The following EME1 variants were observed in gnomAD, a reference collection of about 807,000 sequenced individuals.
EME1 encodes essential meiotic structure-specific endonuclease 1.
A neutral mutation model predicts 59.1 loss-of-function variants in EME1; 61 were observed. The observed-to-expected ratio is 1.03, with a 90% CI of 0.84 to 1.28. The LOEUF is 1.28. Ranked by LOEUF, EME1 falls within the 50% of genes most tolerant of loss-of-function variation. The probability of loss-of-function intolerance (pLI) is 0.00; values close to 1 mark genes in which losing one functional copy is unlikely to be tolerated. For synonymous variants in EME1, 230 were observed against 254.2 expected, an observed-to-expected ratio of 0.90 and a Z score of 0.90; for missense variants, 635 against 682.6, an observed-to-expected ratio of 0.93 and a Z score of 0.78.
In EME1 at chr17:50,375,578, G is replaced by A; in HGVS notation, c.370G>A (p.Asp124Asn). 6.2e-7 allele frequency: 1 copy of A among 1,612,696 alleles called. No homozygotes were observed. Among genetic ancestry groups the A allele is most frequent in the Non-Finnish European group, 8.5e-7 (1 of 1,179,904 alleles). The part of the protein sequence containing the change: ...DSSSPVKSVL[D>N]HQNNEGASCD... The stretch of plus-strand genomic sequence containing the variant: ...TAGCTCCCCAGTTAAAAGTGTTTTG[G>A]ATCATCAAAATAATGAAGGTGCATC... The change falls in exon 2 of 9, where the codon GAT (aspartate) becomes AAT (asparagine). Residue 124 changes from aspartate (D) to asparagine (N), a missense_variant. Coordinates refer to ENST00000338165, the MANE Select transcript of EME1 (RefSeq NM_152463.4).
intron 3 of EME1, among the ~76,000 whole-genome samples, chr17:50,378,355 C>T (rs1021676979): frequency 1.3e-5 from 2 of 152,148 alleles, no homozygotes; most frequent in Non-Finnish European, 2.9e-5. Context: ...TGAGTCACCG[C>T]GCCCGGCTGC....
Position 50,380,809 on chromosome 17 carries a change from CAG to C in EME1, c.1585_1586del (p.Asp529HisfsTer39), listed in dbSNP as rs1436288091. ...GATAAAGAACGCCAGAATTTGCTCG[CAG>C]ACATACAGGTGCGCCGTGGGGAAGG... On this transcript the variant is annotated frameshift_variant, in exon 9 of 9. Transcript: ENST00000338165. LOFTEE classifies it high-confidence loss of function. 1.9e-6 allele frequency: 3 copies of C among 1,614,024 alleles called. No homozygotes were observed. The East Asian group carries it at 6.7e-5, about 36-fold the overall frequency.
In EME1 at chr17:50,380,067, TCCAAAGAATCTGGTA is replaced by T; in HGVS notation, c.1347-244_1347-230del. The T allele has an allele frequency of 1.4e-5, 6 of 443,268 alleles. No homozygotes were observed. The South Asian group carries it at 1.7e-4, about 13-fold the overall frequency. The allele number at this position is 443,268 out of a possible 1,614,324, so 27.5% of individuals were successfully genotyped here. ...GAAATAGATTGCAGATTGCCAGATA[TCCAAAGAATCTGGTA>T]TCTTTTCTTCTACTATAATGGACTA... On this transcript the variant is annotated intron_variant, in intron 7 of 8. Transcript: ENST00000338165.
At chr17:50,376,994 C>T (rs139538829) in intron 3 of EME1, among the ~76,000 whole-genome samples, 171 of 152,300 alleles carry the variant, frequency 1.1e-3, no homozygotes, top group African/African-American at 3.9e-3. Flanking sequence ...AAGCAATCCA[C>T]CTGCCTCAGC....
In EME1 at chr17:50,380,480, C is replaced by T. The variant is rs1479650860; in HGVS notation, c.1515C>T (p.Pro505=). The stretch of plus-strand genomic sequence containing the variant: ...CCAGTGCAGTTGTGAATGCCTATCC[C>T]TCCCCACAGCTCCTGGTACAGGTAT... ...EMASAVVNAY[P]SPQLLVQAYQ... The change falls in exon 8 of 9, where the codon CCC becomes CCT. Residue 505 remains proline, a synonymous_variant. Coordinates refer to ENST00000338165, the MANE Select transcript of EME1 (RefSeq NM_152463.4). The T allele has an allele frequency of 1.2e-6, 2 of 1,613,772 alleles. No homozygotes were observed. The highest frequency in any genetic ancestry group is 1.7e-6 in the Non-Finnish European group (2 of 1,180,024).
chr17:50,374,491 G>A (rs1913343214), intron 1 of EME1, among the ~76,000 whole-genome samples: 1 of 151,928 alleles, frequency 6.6e-6, no homozygotes, highest in Non-Finnish European at 1.5e-5. Flanking sequence ...CTTCTGCTTT[G>A]GCCTCCCAAA....
intron 1 of EME1, among the ~76,000 whole-genome samples, chr17:50,373,585 C>T (rs1323327982): frequency 6.6e-6 from 1 of 152,206 alleles, no homozygotes; most frequent in Non-Finnish European, 1.5e-5. Flanking sequence ...TTCTCACTAC[C>T]TTATAAAATG....
rs1172325844 is a variant in EME1 at position 50,379,491 on chromosome 17, C to T, written c.1270C>T (p.Gln424Ter). The change falls in exon 7 of 9, where the codon CAA becomes TAA. Residue 424 changes from glutamine to a stop codon, truncating the protein, a stop_gained. Coordinates refer to ENST00000338165, the MANE Select transcript of EME1 (RefSeq NM_152463.4). LOFTEE classifies it high-confidence loss of function. ...DLQLHTEAQA[Q>*]IVQSWKELAD... is the part of the protein sequence containing the mutation. ...GCAGCTACACACAGAAGCCCAGGCT[C>T]AAATTGTGCAGAGCTGGAAAGAGCT... 1.9e-6 allele frequency: 3 copies of T among 1,614,080 alleles called. No homozygotes were observed. The highest frequency in any genetic ancestry group is 1.3e-5 in the African/African-American group (1 of 74,930).
chr17:50,381,015 A>G lies in EME1; in HGVS notation c.*76A>G. ...ACCTCAGAGCCTGACTGTAATGAAG[A>G]GACTGGCAGCACCTCCTGGAACACA... On this transcript the variant is annotated 3_prime_UTR_variant, in exon 9 of 9. Transcript: ENST00000338165. 1 of 1,526,480 alleles carries G rather than the reference A, an allele frequency of 6.6e-7. No individual in the cohort carries two copies. Among genetic ancestry groups the G allele is most frequent in the Non-Finnish European group, 9.0e-7 (1 of 1,112,880 alleles). The allele number at this position is 1,526,480 out of a possible 1,614,324, so 94.6% of individuals were successfully genotyped here.
At position 50,378,803 on chromosome 17, in the gene EME1, G is replaced by A. The variant is rs761507904; in HGVS notation, c.1020G>A (p.Lys340=). The change falls in exon 5 of 9, where the codon AAG becomes AAA. Residue 340 remains lysine (K), a synonymous_variant. Coordinates refer to ENST00000338165, the MANE Select transcript of EME1 (RefSeq NM_152463.4). ...QGSLDSTMKG[K]ETLQGFVTDI... Reference sequence around the variant, plus strand: ...GCCTGGACAGCACTATGAAAGGGAAGGAAACGCTTCAGGGCTTTGTAACTG... The same window carrying A: ...GCCTGGACAGCACTATGAAAGGGAAAGAAACGCTTCAGGGCTTTGTAACTG... 1.9e-6 allele frequency: 3 copies of A among 1,614,214 alleles called. No homozygotes were observed. Among genetic ancestry groups the A allele is most frequent in the East Asian group, 2.2e-5 (1 of 44,888 alleles).
At position 50,379,271 on chromosome 17, in the gene EME1, C is replaced by T. The variant is rs1913653852; in HGVS notation, c.1230+47C>T. ...AATCGGGCTGGGTACTCACTGGTCACCTGAGACTTGCTATTGATAGAGAAT... is the reference window on the plus strand; with the variant it reads ...AATCGGGCTGGGTACTCACTGGTCATCTGAGACTTGCTATTGATAGAGAAT... On this transcript the variant is annotated intron_variant, in intron 6 of 8. Coordinates refer to ENST00000338165, the MANE Select transcript of EME1 (RefSeq NM_152463.4). 3 of 1,611,116 alleles carry T rather than the reference C, an allele frequency of 1.9e-6. No homozygotes were observed. In the East Asian group the frequency reaches 6.7e-5, roughly 36 times the overall value.
At chr17:50,380,248 C>G (rs917028) in intron 7 of EME1, 64 bp from the exon 8 acceptor site, 317,520 of 1,497,348 alleles carry the variant, frequency 0.21, 35,700 homozygotes, top group Admixed American at 0.3. Context: ...TCAGTTGCCA[C>G]TTGAGGGGAA....
chr17:50,378,785 CAGCA>C lies in EME1; in HGVS notation c.1003_1006del (p.Ser335LeufsTer2). 6.2e-7 allele frequency: 1 copy of C among 1,614,170 alleles called. No individual in the cohort carries two copies. Among genetic ancestry groups the C allele is most frequent in the Non-Finnish European group, 8.5e-7 (1 of 1,180,036 alleles). On this transcript the variant is annotated frameshift_variant, in exon 5 of 9. Coordinates refer to ENST00000338165, the MANE Select transcript of EME1 (RefSeq NM_152463.4). LOFTEE classifies it high-confidence loss of function. ...GCCCCTTCATGCAGGGAAGCCTGGACAGCACTATGAAAGGGAAGGAAACGCTTCA... is the reference window on the plus strand; with the variant it reads ...GCCCCTTCATGCAGGGAAGCCTGGACCTATGAAAGGGAAGGAAACGCTTCA...
intron 7 of EME1, chr17:50,380,060 C>T (rs1401325379): frequency 2.6e-5 from 11 of 428,502 alleles, no homozygotes; most frequent in Non-Finnish European, 2.5e-5. Context: ...TTGCAGATTG[C>T]CAGATATCCA....
In EME1 at chr17:50,378,595, G is replaced by C. The variant is rs1913598774; in HGVS notation, c.904G>C (p.Asp302His). The C allele has an allele frequency of 6.2e-7, 1 of 1,613,292 alleles. No individual in the cohort carries two copies. Among genetic ancestry groups the C allele is most frequent in the South Asian group, 1.1e-5 (1 of 91,028 alleles). ...TGCTGTGTTCTGGGTACTTTGGCAGGACAGAGAGGACTGGGTGGAGGAGCC... is the reference window on the plus strand; with the variant it reads ...TGCTGTGTTCTGGGTACTTTGGCAGCACAGAGAGGACTGGGTGGAGGAGCC... ...TWRRRAGPSE[D>H]REDWVEEPTV... is the part of the protein sequence containing the mutation. The change falls in exon 4 of 9, where the codon GAC (aspartate) becomes CAC (histidine). Residue 302 changes from aspartate (D) to histidine (H), a missense_variant and splice_region_variant. Coordinates refer to ENST00000338165, the MANE Select transcript of EME1 (RefSeq NM_152463.4).
intron 1 of EME1, among the ~76,000 whole-genome samples, chr17:50,374,093 T>A (rs1307077607): frequency 6.6e-6 from 1 of 152,196 alleles, no homozygotes. Context: ...GAAAGGACAG[T>A]GACGGCTTAA....
intron 3 of EME1, among the ~76,000 whole-genome samples, chr17:50,377,103 A>AT (rs982543789): frequency 2.6e-5 from 4 of 151,646 alleles, no homozygotes; most frequent in Non-Finnish European, 5.9e-5. Flanking sequence ...AAGAAAAAAG[A>AT]TTTTTTTTTC....
Position 50,379,216 on chromosome 17 carries a change from G to A in EME1, c.1222G>A (p.Ala408Thr), listed in dbSNP as rs756879561. Residue 408 changes from alanine (A) to threonine (T), a missense_variant, in exon 6 of 9, where the codon GCT becomes ACT. By Grantham distance (58) the Ala-to-Thr change is moderately conservative (BLOSUM62 0). Transcript: ENST00000338165. The stretch of plus-strand genomic sequence containing the variant: ...AGGGTCCATGGTATCCAGGGTAGAC[G>A]CTGAAGAGGTAAGAACGTCCTGTTG... Reference protein sequence around the residue: ...SIGSMVSRVDAEEALVDLQLH... With the variant: ...SIGSMVSRVDTEEALVDLQLH... The A allele has an allele frequency of 1.1e-5, 18 of 1,614,010 alleles. No individual in the cohort carries two copies. In the Admixed American group the frequency reaches 1.2e-4, roughly 10 times the overall value.
chr17:50,376,487 T>C (rs1913478276), intron 3 of EME1, among the ~76,000 whole-genome samples: 1 of 152,216 alleles, frequency 6.6e-6, no homozygotes, highest in Non-Finnish European at 1.5e-5. Context: ...TTTTGGGTGC[T>C]GTCCTATGAT....
Sources: allele counts gnomAD v4.1 joint callset (sites outside exome capture counted in the v4.1 genomes callset), GRCh38; gene constraint gnomAD v4.1.1; transcripts MANE v1.5; gene names NCBI Gene and HGNC (gene_info 2026-07-23, HGNC 2026-07-21).